Variants in CHURC1 observed in about 807,000 individuals in gnomAD.
CHURC1 encodes the protein protein Churchill.
CHURC1 carries 12 observed loss-of-function variants against 15.4 expected under a neutral mutation model. The ratio of observed to expected loss-of-function variants is 0.78; its 90% confidence interval spans 0.50 to 1.27. The LOEUF is 1.27. Among genes scored for constraint, CHURC1 ranks in the 50% most tolerant of loss-of-function variants. The probability of loss-of-function intolerance (pLI) is 0.00; values close to 1 mark genes in which losing one functional copy is unlikely to be tolerated. For missense variants in CHURC1, 132 were observed against 137.8 expected (o/e 0.96, Z 0.21); for synonymous variants, 42 against 47.5 (o/e 0.88, Z 0.48).
chr14:64,929,961 A>C (rs1341000777), intron 3 of CHURC1, among the ~76,000 whole-genome samples: 1 of 151,620 alleles, frequency 6.6e-6, no homozygotes, highest in Non-Finnish European at 1.5e-5. Flanking sequence ...ACACACACCA[A>C]AATTGTGTGT....
chr14:64,930,540 AT>A (rs1158349688), intron 3 of CHURC1, among the ~76,000 whole-genome samples: 4 of 152,348 alleles, frequency 2.6e-5, no homozygotes, highest in Non-Finnish European at 5.9e-5. Flanking sequence ...GCCTATAAAG[AT>A]TACAGGTGTA....
At chr14:64,916,081 G>C (rs1883862779) in intron 1 of CHURC1, among the ~76,000 whole-genome samples, 1 of 152,214 alleles carries the variant, frequency 6.6e-6, no homozygotes, top group African/African-American at 2.4e-5. Flanking sequence ...AATGTCAATA[G>C]TGTGGAGGTA....
At chr14:64,919,714 T>C (rs532770368) in intron 1 of CHURC1, among the ~76,000 whole-genome samples, 1 of 151,880 alleles carries the variant, frequency 6.6e-6, no homozygotes, top group Admixed American at 6.6e-5. Context: ...GAAACCCTGT[T>C]TCTACCAAAC....
At chr14:64,923,904 T>C in intron 1 of CHURC1, 87 bp from the exon 2 acceptor site, 2 of 1,308,670 alleles carry the variant, frequency 1.5e-6, no homozygotes, top group East Asian at 2.8e-5. Flanking sequence ...AGTTTTGTTT[T>C]GCCTTTAGAC....
intron 3 of CHURC1, among the ~76,000 whole-genome samples, chr14:64,927,725 C>A (rs995854395): frequency 1.8e-5 from 2 of 109,376 alleles, no homozygotes; most frequent in Non-Finnish European, 3.8e-5. Flanking sequence ...CACCCCCCCC[C>A]CCGCCGTCAA....
chr14:64,930,920 T>G (rs768685262), intron 3 of CHURC1: 1 of 446,148 alleles, frequency 2.2e-6, no homozygotes, highest in African/African-American at 2.0e-5. Flanking sequence ...ATCTTTCCAC[T>G]GCCACAACTA....
intron 3 of CHURC1, among the ~76,000 whole-genome samples, chr14:64,930,599 T>A (rs545331305): frequency 1.3e-4 from 20 of 152,364 alleles, no homozygotes; most frequent in African/African-American, 4.8e-4. Context: ...TGTTAGGTTT[T>A]TTCCCCCTCC....
At chr14:64,920,403 C>T (rs1884195778) in intron 1 of CHURC1, among the ~76,000 whole-genome samples, 1 of 152,132 alleles carries the variant, frequency 6.6e-6, no homozygotes, top group Non-Finnish European at 1.5e-5. Flanking sequence ...AAAACCTTCC[C>T]TGAATAATGT....
At position 64,933,921 on chromosome 14, in the gene CHURC1, G is replaced by T. The variant is rs1885208323; in HGVS notation, c.*1691G>T. On this transcript the variant is annotated 3_prime_UTR_variant, in exon 4 of 4. Transcript: ENST00000549115. ...CCTCATTAACAAATTCATAAGGTAG[G>T]TGCTATTGATAGTTTAGCCATAACC... The T allele has an allele frequency of 2.0e-6, 2 of 985,092 alleles. No individual in the cohort carries two copies. Among genetic ancestry groups the T allele is most frequent in the Non-Finnish European group, 2.4e-6 (2 of 829,796 alleles). The allele number at this position is 985,092 out of a possible 1,614,324, so 61.0% of individuals were successfully genotyped here.
At chr14:64,914,598 G>C in intron 1 of CHURC1, 64 bp downstream of exon 1, 3 of 1,607,788 alleles carry the variant, frequency 1.9e-6, no homozygotes, top group Non-Finnish European at 2.6e-6. Context: ...TCCAAGGCTG[G>C]CCTTCCCAGA....
At chr14:64,926,602 A>G (rs541488572) in intron 3 of CHURC1, among the ~76,000 whole-genome samples, 3 of 152,314 alleles carry the variant, frequency 2.0e-5, no homozygotes, top group Non-Finnish European at 4.4e-5. Context: ...AACTGCCACC[A>G]TACTTGCCCA....
rs369100403 is a variant in CHURC1 at position 64,934,454 on chromosome 14, TATGAA to T, written c.*2227_*2231del. On this transcript the variant is annotated 3_prime_UTR_variant, in exon 4 of 4. Coordinates refer to ENST00000549115, the MANE Select transcript of CHURC1 (RefSeq NM_001386928.1). ...CCTCTCAGTAATTATGTTTGGCAAA[TATGAA>T]ATACAAGGATCTGGCAAGGTTAGGA... is the stretch of plus-strand genomic sequence containing the variant. 1.0e-6 allele frequency: 1 copy of T among 985,360 alleles called. No homozygotes were observed. Among genetic ancestry groups the T allele is most frequent in the African/African-American group, 1.7e-5 (1 of 57,348 alleles). The allele number at this position is 985,360 out of a possible 1,614,324, so 61.0% of individuals were successfully genotyped here.
intron 1 of CHURC1, among the ~76,000 whole-genome samples, chr14:64,920,164 C>T (rs572671259): frequency 2.9e-4 from 44 of 152,232 alleles, no homozygotes; most frequent in Non-Finnish European, 4.9e-4. Context: ...ACAGCTTTCT[C>T]GTAAGATTTT....
chr14:64,921,131 C>T (rs58989463), intron 1 of CHURC1, among the ~76,000 whole-genome samples: 13,994 of 152,056 alleles, frequency 0.092, 1,428 homozygotes, highest in East Asian at 0.51. Context: ...ACAAATCTTG[C>T]CAAAACAACT....
At chr14:64,921,943 C>T (rs1406258342) in intron 1 of CHURC1, among the ~76,000 whole-genome samples, 2 of 152,160 alleles carry the variant, frequency 1.3e-5, no homozygotes, top group Non-Finnish European at 1.5e-5. Flanking sequence ...TGAAAAGCAA[C>T]AAACTACCAG....
rs1885170094 is a variant in CHURC1 at position 64,933,185 on chromosome 14, A to C, written c.*955A>C. Reference sequence around the variant, plus strand: ...TAACCAGTACTTCTCAAAACTATCAAGGCCATAAAAAACAAGGAAAATCTG... The same window carrying C: ...TAACCAGTACTTCTCAAAACTATCACGGCCATAAAAAACAAGGAAAATCTG... On this transcript the variant is annotated 3_prime_UTR_variant, in exon 4 of 4. Transcript: ENST00000549115. 1.8e-5 allele frequency: 3 copies of C among 165,600 alleles called. No individual in the cohort carries two copies. The highest frequency in any genetic ancestry group is 7.2e-5 in the African/African-American group (3 of 41,644). The allele number at this position is 165,600 out of a possible 1,614,324, so 10.3% of individuals were successfully genotyped here.
At chr14:64,919,609 A>G (rs1457472899) in intron 1 of CHURC1, among the ~76,000 whole-genome samples, 1 of 152,206 alleles carries the variant, frequency 6.6e-6, no homozygotes, top group East Asian at 1.9e-4. Context: ...TGGGCCAGGT[A>G]TGGTGGCTCA....
chr14:64,925,885 C>T, intron 2 of CHURC1, 125 bp from the exon 3 acceptor site: 1 of 596,720 alleles, frequency 1.7e-6, no homozygotes, highest in South Asian at 3.5e-5. Context: ...AATGGGTTTC[C>T]TCCTATGTTA....
intron 1 of CHURC1, among the ~76,000 whole-genome samples, chr14:64,915,303 A>AT (rs1043933642): frequency 2.6e-5 from 4 of 152,200 alleles, no homozygotes; most frequent in African/African-American, 9.7e-5. Flanking sequence ...CAGCTGGATT[A>AT]TTTGTTTCAG....
Sources: gnomAD v4.1 joint callset for allele counts (sites outside exome capture counted in the v4.1 genomes callset) on GRCh38, gnomAD v4.1.1 for gene constraint, MANE v1.5 for transcripts, NCBI Gene and HGNC (gene_info 2026-07-23, HGNC 2026-07-21) for gene names.